The following ALK variants were observed in gnomAD, a reference collection of about 807,000 sequenced individuals.
ALK encodes ALK tyrosine kinase receptor.
A neutral mutation model predicts 163.1 loss-of-function variants in ALK; 74 were observed. The observed-to-expected ratio is 0.45, with a 90% CI of 0.38 to 0.55. The LOEUF is 0.55. ALK is among the 20% of genes least tolerant of loss of function. The probability of loss-of-function intolerance (pLI) is 0.00; values close to 1 mark genes in which losing one functional copy is unlikely to be tolerated. For missense variants in ALK, 2,063 were observed against 2,105.3 expected, an observed-to-expected ratio of 0.98 and a Z score of 0.39; for synonymous variants, 960 against 843.2, an observed-to-expected ratio of 1.14 and a Z score of -2.40.
At chr2:29,883,148 AAAAAG>A (rs1237454733) in intron 1 of ALK, among the ~76,000 whole-genome samples, 8 of 151,998 alleles carry the variant, frequency 5.3e-5, no homozygotes, top group African/African-American at 1.9e-4. Context: ...AAAGAAAAAG[AAAAAG>A]AAAAGAGGAA....
At chr2:29,651,900 C>G (rs779468201) in intron 3 of ALK, among the ~76,000 whole-genome samples, 1 of 152,134 alleles carries the variant, frequency 6.6e-6, no homozygotes, top group Admixed American at 6.6e-5. Context: ...AGCATCTTAA[C>G]TGGTGAGCAG....
At chr2:29,250,286 C>T (rs1176292384) in intron 12 of ALK, among the ~76,000 whole-genome samples, 1 of 152,198 alleles carries the variant, frequency 6.6e-6, no homozygotes, top group African/African-American at 2.4e-5. Flanking sequence ...ACTCTCTGAG[C>T]CTCAGTGTCC....
At chr2:29,226,279 G>A (rs1663989247) in intron 18 of ALK, among the ~76,000 whole-genome samples, 1 of 151,962 alleles carries the variant, frequency 6.6e-6, no homozygotes, top group Non-Finnish European at 1.5e-5. Flanking sequence ...AGGAGTTTGA[G>A]ACCAGCCTGG....
At chr2:29,767,579 A>C (rs145828759) in intron 1 of ALK, among the ~76,000 whole-genome samples, 219 of 152,342 alleles carry the variant, frequency 1.4e-3, no homozygotes, top group Non-Finnish European at 2.6e-3. Context: ...GGAGGGCCTA[A>C]TGGAAGATAC....
At chr2:29,204,394 C>T (rs1046351742) in intron 26 of ALK, among the ~76,000 whole-genome samples, 4 of 149,832 alleles carry the variant, frequency 2.7e-5, no homozygotes, top group African/African-American at 9.8e-5. Flanking sequence ...CTCCGACTTT[C>T]CTCGTTTTTT....
At chr2:29,494,462 C>T (rs1573400654) in intron 4 of ALK, among the ~76,000 whole-genome samples, 1 of 152,078 alleles carries the variant, frequency 6.6e-6, no homozygotes, top group Non-Finnish European at 1.5e-5. Flanking sequence ...ATCTTTAAAA[C>T]AGCAAACTTT....
rs770063749 is a variant in ALK, at chr2:29,717,592, T to C, written c.773A>G (p.His258Arg). ...CATATACTTACCATATCGGCTGCGA[T>C]GAGACAGGAAAGGGAAGGAGTCTTT... Reference protein sequence around the residue: ...IMKDSFPFLSHRSRYGLECSF... With the variant: ...IMKDSFPFLSRRSRYGLECSF... Residue 258 changes from histidine to arginine, a missense_variant, in exon 2 of 29, where the codon CAT becomes CGT. Transcript: ENST00000389048. The C allele has an allele frequency of 6.2e-7, 1 of 1,613,998 alleles. No homozygotes were observed. Among genetic ancestry groups the C allele is most frequent in the Non-Finnish European group, 8.5e-7 (1 of 1,179,868 alleles).
At chr2:29,769,496 T>C (rs985505494) in intron 1 of ALK, among the ~76,000 whole-genome samples, 1 of 152,116 alleles carries the variant, frequency 6.6e-6, no homozygotes, top group African/African-American at 2.4e-5. Context: ...TATAAGCTCC[T>C]TGAGGGCACA....
chr2:29,228,932 C>CCCCTG lies in ALK; in HGVS notation c.2766_2767insCAGGG (p.Gly923GlnfsTer18). 1 of 1,503,684 alleles carries CCCCTG rather than the reference C, an allele frequency of 6.7e-7. No homozygotes were observed. The allele number at this position is 1,503,684 out of a possible 1,614,324, so 93.1% of individuals were successfully genotyped here. The stretch of plus-strand genomic sequence containing the variant: ...CCTGAGGAGCACCCCCCTCCACCCC[C>CCCCTG]TCCGAAACCCCCTCTTGTCTCCCAC... On this transcript the variant is annotated frameshift_variant, in exon 16 of 29. Coordinates refer to ENST00000389048, the MANE Select transcript of ALK (RefSeq NM_004304.5). LOFTEE classifies it high-confidence loss of function.
intron 3 of ALK, among the ~76,000 whole-genome samples, chr2:29,563,558 G>T (rs1178726734): frequency 6.6e-6 from 1 of 152,182 alleles, no homozygotes; most frequent in African/African-American, 2.4e-5. Context: ...TCAAAGGGAT[G>T]GAGAGGAATT....
At chr2:29,567,737 G>A (rs1674235997) in intron 3 of ALK, among the ~76,000 whole-genome samples, 1 of 152,194 alleles carries the variant, frequency 6.6e-6, no homozygotes, top group Non-Finnish European at 1.5e-5. Context: ...TATCTGGACA[G>A]TTCAGGTAAA....
intron 3 of ALK, among the ~76,000 whole-genome samples, chr2:29,646,706 G>A (rs536829403): frequency 5.3e-5 from 8 of 152,114 alleles, no homozygotes; most frequent in Admixed American, 1.3e-4. Context: ...GTCGGCCCTC[G>A]CAAGATGGCT....
chr2:29,413,787 C>T (rs1039196024), intron 4 of ALK, among the ~76,000 whole-genome samples: 10 of 152,210 alleles, frequency 6.6e-5, no homozygotes, highest in African/African-American at 2.4e-4. Flanking sequence ...CCTGCCTCAG[C>T]CTCCTATAGT....
chr2:29,228,833 C>A lies in ALK; in HGVS notation c.2815+51G>T, dbSNP rs771655506. Reference sequence around the variant, plus strand: ...GAGGGCAGGGCAGGGAGGTGAGGAGCCTAGGACTAAGCAGGGAGGGAGTGA... The same window carrying A: ...GAGGGCAGGGCAGGGAGGTGAGGAGACTAGGACTAAGCAGGGAGGGAGTGA... On this transcript the variant is annotated intron_variant, in intron 16 of 28. Coordinates refer to ENST00000389048, the MANE Select transcript of ALK (RefSeq NM_004304.5). 44 of 1,241,084 alleles carry A rather than the reference C, an allele frequency of 3.5e-5. No individual in the cohort carries two copies. In the Admixed American group the frequency reaches 7.4e-4, roughly 21 times the overall value. 76.9% of individuals were successfully genotyped at this position (1,241,084 alleles called of 1,614,324 possible). A position where few individuals can be genotyped will look rare whatever the true frequency, so the allele number is the denominator to read the frequency against.
At chr2:29,905,221 C>T (rs1350773836) in intron 1 of ALK, among the ~76,000 whole-genome samples, 1 of 152,230 alleles carries the variant, frequency 6.6e-6, no homozygotes, top group Non-Finnish European at 1.5e-5. Context: ...TTCACATTTT[C>T]TGTTTTCTGA....
At chr2:29,417,503 T>G (rs1407402590) in intron 4 of ALK, among the ~76,000 whole-genome samples, 1 of 152,188 alleles carries the variant, frequency 6.6e-6, no homozygotes, top group Non-Finnish European at 1.5e-5. Context: ...AGCCCTAGTG[T>G]GGAAAGGAGA....
chr2:29,631,378 C>T (rs1417858889), intron 3 of ALK, among the ~76,000 whole-genome samples: 1 of 152,210 alleles, frequency 6.6e-6, no homozygotes, highest in Non-Finnish European at 1.5e-5. Context: ...TCAGGGGAAT[C>T]TTGCTGACAT....
chr2:29,812,074 G>C (rs548804924), intron 1 of ALK, among the ~76,000 whole-genome samples: 1 of 152,284 alleles, frequency 6.6e-6, no homozygotes, highest in Admixed American at 6.5e-5. Context: ...GTGTTACCTA[G>C]GGAGGAGGTT....
chr2:29,591,088 A>AC, intron 3 of ALK, among the ~76,000 whole-genome samples: 1 of 150,426 alleles, frequency 6.6e-6, no homozygotes, highest in African/African-American at 2.4e-5. Context: ...AAAAAAAAAA[A>AC]AAAAAAAAAA....
Sources: allele counts gnomAD v4.1 joint callset (sites outside exome capture counted in the v4.1 genomes callset), GRCh38; gene constraint gnomAD v4.1.1; transcripts MANE v1.5; gene names NCBI Gene and HGNC (gene_info 2026-07-23, HGNC 2026-07-21).